The following RIMS1 variants were observed in gnomAD, a reference collection of about 807,000 sequenced individuals.
The protein encoded by RIMS1 is regulating synaptic membrane exocytosis protein 1.
Under a neutral mutation model 214.1 loss-of-function variants are expected in RIMS1, and 83 were observed. That is an observed-to-expected ratio of 0.39 (90% CI 0.32 to 0.47). The LOEUF (loss-of-function observed/expected upper bound fraction) is 0.47, where lower values mean the gene tolerates loss of function less well. RIMS1 is among the 20% of genes least tolerant of loss of function. The pLI is 0.99. For synonymous variants in RIMS1, 793 were observed against 786.8 expected (o/e 1.01, Z -0.13); for missense variants, 2,050 against 2,161.8 (o/e 0.95, Z 1.03).
intron 2 of RIMS1, among the ~76,000 whole-genome samples, chr6:72,026,131 C>T (rs1270059572): frequency 5.3e-5 from 8 of 152,024 alleles, no homozygotes; most frequent in Non-Finnish European, 2.9e-5. Flanking sequence ...ACATAGAGCC[C>T]GAATTTTACA....
chr6:72,157,619 T>A (rs1268470767), intron 4 of RIMS1, among the ~76,000 whole-genome samples: 1 of 140,366 alleles, frequency 7.1e-6, no homozygotes, highest in Non-Finnish European at 1.6e-5. Flanking sequence ...TTCTGTTTAG[T>A]GTTTGTATAA....
chr6:72,132,885 A>T (rs1458254723), intron 4 of RIMS1, among the ~76,000 whole-genome samples: 2 of 152,218 alleles, frequency 1.3e-5, no homozygotes, highest in African/African-American at 4.8e-5. Context: ...TTTTTGGACT[A>T]ATATTTATTG....
intron 1 of RIMS1, among the ~76,000 whole-genome samples, chr6:71,899,748 C>T (rs980323168): frequency 2.0e-5 from 3 of 152,070 alleles, no homozygotes; most frequent in African/African-American, 7.2e-5. Flanking sequence ...CATATGATCC[C>T]AACATGGCTG....
intron 4 of RIMS1, among the ~76,000 whole-genome samples, chr6:72,111,417 C>T (rs2036058161): frequency 6.6e-6 from 1 of 152,098 alleles, no homozygotes; most frequent in African/African-American, 2.4e-5. Context: ...AGCAGGTTGT[C>T]CTGTTTTCAT....
chr6:72,319,671 C>T (rs1302339756), intron 28 of RIMS1, among the ~76,000 whole-genome samples: 1 of 151,738 alleles, frequency 6.6e-6, no homozygotes, highest in Non-Finnish European at 1.5e-5. Flanking sequence ...GATTTTTTTT[C>T]ACTTAGTCAT....
intron 2 of RIMS1, among the ~76,000 whole-genome samples, chr6:71,999,618 C>A (rs1278747135): frequency 6.6e-6 from 1 of 152,114 alleles, no homozygotes; most frequent in Non-Finnish European, 1.5e-5. Flanking sequence ...TGGTCTCAAT[C>A]TGGCCTTTTG....
intron 4 of RIMS1, among the ~76,000 whole-genome samples, chr6:72,151,410 G>A (rs1176349935): frequency 1.3e-5 from 2 of 152,172 alleles, no homozygotes; most frequent in Admixed American, 1.3e-4. Flanking sequence ...TGTGATATCT[G>A]AGTCTTAAAA....
In RIMS1 at chr6:72,247,996, C is replaced by CT. The variant is rs756898336; in HGVS notation, c.2129-11dup. The CT allele has an allele frequency of 1.6e-5, 24 of 1,496,444 alleles. No individual in the cohort carries two copies. The highest frequency in any genetic ancestry group is 5.0e-5 in the Admixed American group (3 of 59,670). 92.7% of individuals were successfully genotyped at this position (1,496,444 alleles called of 1,614,324 possible). ...TTCCTACACTTACAAATATTACTTA[C>CT]TTTTTTTTCTCATTTTAGGTTCAAG... On this transcript the variant is annotated intron_variant, in intron 11 of 33. Coordinates refer to ENST00000521978, the MANE Select transcript of RIMS1 (RefSeq NM_014989.7).
intron 29 of RIMS1, among the ~76,000 whole-genome samples, chr6:72,347,303 A>G (rs1216262793): frequency 6.6e-6 from 1 of 151,880 alleles, no homozygotes; most frequent in Non-Finnish European, 1.5e-5. Flanking sequence ...ATTGTATCCC[A>G]GTATGTAGCA....
chr6:71,944,513 A>G (rs1787177125), intron 1 of RIMS1, among the ~76,000 whole-genome samples: 1 of 152,144 alleles, frequency 6.6e-6, no homozygotes, highest in African/African-American at 2.4e-5. Flanking sequence ...AGATGGAGTA[A>G]TATTAGAAAA....
intron 2 of RIMS1, among the ~76,000 whole-genome samples, chr6:71,996,721 A>C (rs900772379): frequency 6.6e-6 from 1 of 152,168 alleles, no homozygotes; most frequent in Non-Finnish European, 1.5e-5. Context: ...TCTTCCTGGC[A>C]CAACCTCTGT....
chr6:71,960,736 A>G (rs577279358), intron 1 of RIMS1, among the ~76,000 whole-genome samples: 1 of 152,220 alleles, frequency 6.6e-6, no homozygotes, highest in African/African-American at 2.4e-5. Flanking sequence ...TAACCCTTCT[A>G]AGCAGGCTTC....
chr6:72,152,167 A>G lies in RIMS1; in HGVS notation c.472-27408A>G, dbSNP rs2043697344. Among the ~76,000 whole-genome samples the G allele has an allele frequency of 2.0e-5, 3 of 152,358 alleles. No individual in the cohort carries two copies. The South Asian group carries it at 6.2e-4, about 32-fold the overall frequency. The stretch of plus-strand genomic sequence containing the variant: ...AGGGAACAAACATCCAAACTATATC[A>G]CATGGGTTGGATGCGAAATGCTCAT... On this transcript the variant is annotated intron_variant, in intron 4 of 33. Coordinates refer to ENST00000521978, the MANE Select transcript of RIMS1 (RefSeq NM_014989.7).
Position 71,886,727 on chromosome 6 carries a change from C to G in RIMS1, c.-297C>G, listed in dbSNP as rs529872975. 25 of 194,908 alleles carry G rather than the reference C, an allele frequency of 1.3e-4. 1 individual carries two copies. The South Asian group carries it at 3.7e-3, about 29-fold the overall frequency. 12.1% of individuals were successfully genotyped at this position (194,908 alleles called of 1,614,324 possible). A position where few individuals can be genotyped will look rare whatever the true frequency, so the allele number is the denominator to read the frequency against. ...CCTCTCCCGCCGCGCCTCCGCCTGC[C>G]CGCCCCCGCCGGCCGAGGCTGGGCT... On this transcript the variant is annotated 5_prime_UTR_variant, in exon 1 of 34. Transcript: ENST00000521978.
chr6:72,253,700 A>T (rs1012332374), intron 16 of RIMS1, among the ~76,000 whole-genome samples: 8 of 152,126 alleles, frequency 5.3e-5, no homozygotes, highest in African/African-American at 1.9e-4. Flanking sequence ...ATGGCAGTGT[A>T]CTTAATTTGA....
Position 72,251,256 on chromosome 6 carries a change from G to T in RIMS1, c.2586G>T (p.Pro862=). ...ELETALLDDE[P]HWYKLQTHDE... is the part of the protein sequence containing the mutation. The stretch of plus-strand genomic sequence containing the variant: ...AGACAGCGCTTTTAGATGATGAACC[G>T]CATTGGTATAAACTTCAGACACATG... Residue 862 remains proline, a synonymous_variant, in exon 15 of 34, where the codon CCG becomes CCT. Coordinates refer to ENST00000521978, the MANE Select transcript of RIMS1 (RefSeq NM_014989.7). The T allele has an allele frequency of 3.8e-6, 6 of 1,598,144 alleles. No homozygotes were observed. Among genetic ancestry groups the T allele is most frequent in the African/African-American group, 2.7e-5 (2 of 74,780 alleles).
chr6:71,928,357 T>A (rs1782129404), intron 1 of RIMS1, among the ~76,000 whole-genome samples: 1 of 152,162 alleles, frequency 6.6e-6, no homozygotes, highest in South Asian at 2.1e-4. Context: ...ACAATGTTTA[T>A]TTAACCAATT....
chr6:71,886,790 C>T lies in RIMS1; in HGVS notation c.-234C>T, dbSNP rs1186395472. 8.6e-5 allele frequency: 45 copies of T among 521,522 alleles called. 2 individuals carry two copies. The South Asian group carries it at 1.2e-3, about 14-fold the overall frequency. 32.3% of individuals were successfully genotyped at this position (521,522 alleles called of 1,614,324 possible). A position where few individuals can be genotyped will look rare whatever the true frequency, so the allele number is the denominator to read the frequency against. On this transcript the variant is annotated 5_prime_UTR_variant, in exon 1 of 34. Coordinates refer to ENST00000521978, the MANE Select transcript of RIMS1 (RefSeq NM_014989.7). ...CGGGCGGCCCCGAGCTTCGCTAGGG[C>T]GACCAAAACAAAGGCAGCATCCGGG...
At chr6:72,270,621 C>A (rs577392402) in intron 22 of RIMS1, among the ~76,000 whole-genome samples, 235 of 152,306 alleles carry the variant, frequency 1.5e-3, no homozygotes, top group Admixed American at 7.3e-3. Context: ...TTTGAGTCTG[C>A]AAGATGGCTA....
Sources: allele counts gnomAD v4.1 joint callset (sites outside exome capture counted in the v4.1 genomes callset), GRCh38; gene constraint gnomAD v4.1.1; transcripts MANE v1.5; gene names NCBI Gene and HGNC (gene_info 2026-07-23, HGNC 2026-07-21).